Variants in SH3RF2 observed in about 807,000 individuals in gnomAD.
SH3RF2 encodes E3 ubiquitin-protein ligase SH3RF2.
In SH3RF2, 43 loss-of-function variants were observed where a neutral mutation model predicts 59.0. The ratio of observed to expected loss-of-function variants is 0.73; its 90% confidence interval spans 0.57 to 0.94. SH3RF2 has a LOEUF of 0.94. SH3RF2 is among the 40% of genes least tolerant of loss of function. The probability of loss-of-function intolerance (pLI) is 0.00; values close to 1 mark genes in which losing one functional copy is unlikely to be tolerated. For missense variants in SH3RF2, 930 were observed against 940.1 expected (o/e 0.99, Z 0.14); for synonymous variants, 391 against 391.5 (o/e 1.00, Z 0.01).
At chr5:146,011,255 CAG>C (rs1561740421) in intron 4 of SH3RF2, among the ~76,000 whole-genome samples, 4 of 152,140 alleles carry the variant, frequency 2.6e-5, no homozygotes, top group Non-Finnish European at 5.9e-5. Context: ...GTTTAGGTAC[CAG>C]TACCATGCTG....
intron 2 of SH3RF2, among the ~76,000 whole-genome samples, chr5:145,957,648 C>A (rs980935261): frequency 6.6e-6 from 1 of 151,952 alleles, no homozygotes; most frequent in Non-Finnish European, 1.5e-5. Context: ...AAGAGACAAA[C>A]CTGGATTTGG....
At chr5:146,051,506 G>A (rs1762496617) in intron 7 of SH3RF2, among the ~76,000 whole-genome samples, 3 of 152,174 alleles carry the variant, frequency 2.0e-5, no homozygotes, top group South Asian at 4.1e-4. Context: ...GTTAGATTCT[G>A]AATACATCTT....
rs374698454 is a variant in SH3RF2, at chr5:146,010,243, G to A, written c.745-3504G>A. Among the ~76,000 whole-genome samples the A allele has an allele frequency of 1.6e-4, 24 of 152,306 alleles. No individual in the cohort carries two copies. The East Asian group carries it at 3.5e-3, about 22-fold the overall frequency. Reference sequence around the variant, plus strand: ...TTATGGCTGCGTAGTATTCCATGGTGTATATGTGCCACATTTTCTGAATCC... The same window carrying A: ...TTATGGCTGCGTAGTATTCCATGGTATATATGTGCCACATTTTCTGAATCC... On this transcript the variant is annotated intron_variant, in intron 4 of 9. Coordinates refer to ENST00000359120, the MANE Select transcript of SH3RF2 (RefSeq NM_152550.4).
intron 6 of SH3RF2, among the ~76,000 whole-genome samples, chr5:146,048,592 C>G (rs1441354692): frequency 4.6e-5 from 7 of 152,144 alleles, no homozygotes; most frequent in Non-Finnish European, 1.0e-4. Context: ...TAAAACGCTC[C>G]AATGTCTCAC....
intron 2 of SH3RF2, among the ~76,000 whole-genome samples, chr5:145,950,414 A>G (rs2149945506): frequency 6.6e-6 from 1 of 152,356 alleles, no homozygotes; most frequent in Non-Finnish European, 1.5e-5. Context: ...CTTCTGGAGC[A>G]TGATTTAATC....
At chr5:146,011,408 T>C (rs1222214019) in intron 4 of SH3RF2, among the ~76,000 whole-genome samples, 3 of 152,216 alleles carry the variant, frequency 2.0e-5, no homozygotes, top group Non-Finnish European at 4.4e-5. Context: ...TTTTAAAAAT[T>C]CTGTGAAGAA....
At chr5:146,047,738 T>G (rs1232107173) in intron 5 of SH3RF2, 34 bp from the exon 6 acceptor site, 1 of 1,605,838 alleles carries the variant, frequency 6.2e-7, no homozygotes, top group Non-Finnish European at 8.5e-7. Context: ...TGGCATTCAT[T>G]GGTTCTGCTT....
intron 2 of SH3RF2, among the ~76,000 whole-genome samples, chr5:145,998,451 CT>C (rs1760257390): frequency 6.6e-6 from 1 of 151,768 alleles, no homozygotes; most frequent in African/African-American, 2.4e-5. Flanking sequence ...GTGTTTCCCT[CT>C]TTTTTTCCAT....
At chr5:145,937,720 A>G (rs1581365534) in intron 1 of SH3RF2, 103 bp from the exon 2 acceptor site, 2 of 590,098 alleles carry the variant, frequency 3.4e-6, no homozygotes, top group East Asian at 5.6e-5. Context: ...TGCCGGAACA[A>G]AGTACTTGCA....
chr5:146,062,844 T>C lies in SH3RF2; in HGVS notation c.*143T>C, dbSNP rs1425342160. The C allele has an allele frequency of 8.3e-7, 1 of 1,198,478 alleles. No individual in the cohort carries two copies. The highest frequency in any genetic ancestry group is 1.1e-6 in the Non-Finnish European group (1 of 880,142). The allele number at this position is 1,198,478 out of a possible 1,614,324, so 74.2% of individuals were successfully genotyped here. ...TATTTCACCTCCAGGAAAGCAAAAG[T>C]GGGAGCAGAAATTCCTGCCCTGGGT... On this transcript the variant is annotated 3_prime_UTR_variant, in exon 10 of 10. Coordinates refer to ENST00000359120, the MANE Select transcript of SH3RF2 (RefSeq NM_152550.4).
At chr5:146,030,391 C>T (rs750036201) in intron 5 of SH3RF2, among the ~76,000 whole-genome samples, 5 of 152,162 alleles carry the variant, frequency 3.3e-5, no homozygotes, top group East Asian at 3.8e-4. Flanking sequence ...CACTGGAGCA[C>T]GGAGAGAGTT....
chr5:146,063,876 A>T (rs1391554342), downstream of SH3RF2, among the ~76,000 whole-genome samples: 1 of 152,030 alleles, frequency 6.6e-6, no homozygotes. Flanking sequence ...GAAAAAAGAA[A>T]AAAAGAAAGC....
chr5:145,986,325 G>A (rs574016762), intron 2 of SH3RF2, among the ~76,000 whole-genome samples: 3 of 152,302 alleles, frequency 2.0e-5, no homozygotes, highest in South Asian at 4.1e-4. Context: ...CAGGGGAGAA[G>A]TAGTGGTGGG....
At chr5:146,060,635 T>G (rs1762853879) in intron 9 of SH3RF2, among the ~76,000 whole-genome samples, 1 of 152,056 alleles carries the variant, frequency 6.6e-6, no homozygotes, top group Non-Finnish European at 1.5e-5. Context: ...GTAGAAAGAG[T>G]AATGGCCACA....
chr5:145,982,919 A>T (rs1362359629), intron 2 of SH3RF2, among the ~76,000 whole-genome samples: 1 of 152,186 alleles, frequency 6.6e-6, no homozygotes, highest in Non-Finnish European at 1.5e-5. Context: ...CCTATTCTAG[A>T]TCTTAAGAAT....
chr5:146,035,829 G>C (rs944254249), intron 5 of SH3RF2, among the ~76,000 whole-genome samples: 19 of 152,192 alleles, frequency 1.2e-4, no homozygotes, highest in Admixed American at 2.0e-4. Context: ...GGGAATGTGA[G>C]GGCAGGAGCC....
intron 9 of SH3RF2, among the ~76,000 whole-genome samples, chr5:146,077,735 T>C (rs1051348289): frequency 6.6e-6 from 1 of 152,224 alleles, no homozygotes; most frequent in Admixed American, 6.5e-5. Flanking sequence ...TCAAAAGTCT[T>C]TTCTAGGACC....
At chr5:146,076,873 G>A (rs1199147809) in intron 9 of SH3RF2, among the ~76,000 whole-genome samples, 1 of 152,166 alleles carries the variant, frequency 6.6e-6, no homozygotes, top group Middle Eastern at 3.4e-3. Flanking sequence ...TCCACAAACC[G>A]CTTGTAAGAT....
At chr5:146,039,488 A>G (rs1276842742) in intron 5 of SH3RF2, among the ~76,000 whole-genome samples, 1 of 142,166 alleles carries the variant, frequency 7.0e-6, no homozygotes, top group Non-Finnish European at 1.5e-5. Flanking sequence ...TAAATATTTG[A>G]AAAAAAAAAA....
Sources: gnomAD v4.1 joint callset for allele counts (sites outside exome capture counted in the v4.1 genomes callset) on GRCh38, gnomAD v4.1.1 for gene constraint, MANE v1.5 for transcripts, NCBI Gene and HGNC (gene_info 2026-07-23, HGNC 2026-07-21) for gene names.